The following SNTG1 variants were observed in gnomAD, a reference collection of about 807,000 sequenced individuals.
SNTG1 encodes the protein gamma-1-syntrophin.
Under a neutral mutation model 74.7 loss-of-function variants are expected in SNTG1, and 39 were observed. That is an observed-to-expected ratio of 0.52 (90% confidence interval 0.40 to 0.68). The LOEUF is 0.68. Among genes scored for constraint, SNTG1 ranks in the 30% least tolerant of loss-of-function variants. The probability of loss-of-function intolerance (pLI) is 0.00; values close to 1 mark genes in which losing one functional copy is unlikely to be tolerated. For missense variants in SNTG1, 685 were observed against 609.5 expected, an observed-to-expected ratio of 1.12 and a Z score of -1.30; for synonymous variants, 254 against 217.1, an observed-to-expected ratio of 1.17 and a Z score of -1.49.
chr8:50,579,266 G>T (rs1417421643), intron 12 of SNTG1, among the ~76,000 whole-genome samples: 1 of 152,174 alleles, frequency 6.6e-6, no homozygotes, highest in Non-Finnish European at 1.5e-5. Flanking sequence ...GTGGAACTTT[G>T]AACTTGAGAG....
intron 18 of SNTG1, among the ~76,000 whole-genome samples, chr8:50,755,107 C>T (rs2095577052): frequency 6.6e-6 from 1 of 151,764 alleles, no homozygotes; most frequent in Admixed American, 6.6e-5. Context: ...TACAGTGACA[C>T]ATCATTACCA....
chr8:50,442,536 C>T (rs989649028), intron 5 of SNTG1, among the ~76,000 whole-genome samples: 1 of 152,092 alleles, frequency 6.6e-6, no homozygotes. Flanking sequence ...GAGGCATCCT[C>T]ACTCCTGCTG....
intron 18 of SNTG1, among the ~76,000 whole-genome samples, chr8:50,787,576 C>CA (rs1449134602): frequency 2.0e-5 from 3 of 151,810 alleles, no homozygotes; most frequent in South Asian, 4.1e-4. Context: ...GCATTATTCA[C>CA]AAAAAATCAA....
At chr8:50,565,622 CT>C (rs1563583811) in intron 12 of SNTG1, among the ~76,000 whole-genome samples, 4 of 151,942 alleles carry the variant, frequency 2.6e-5, no homozygotes, top group African/African-American at 7.2e-5. Flanking sequence ...TTTGTGAGAG[CT>C]TACTGTGTCA....
chr8:49,966,837 T>C (rs1020952538), intron 1 of SNTG1, among the ~76,000 whole-genome samples: 1 of 152,248 alleles, frequency 6.6e-6, no homozygotes, highest in Non-Finnish European at 1.5e-5. Flanking sequence ...TATATAGGCA[T>C]ATTTTTATGT....
At chr8:50,241,799 T>C (rs1053252166) in intron 2 of SNTG1, among the ~76,000 whole-genome samples, 45 of 152,294 alleles carry the variant, frequency 3.0e-4, no homozygotes, top group Admixed American at 2.3e-3. Context: ...TTTACAATTA[T>C]GCAGTAATTC....
chr8:49,964,084 T>G (rs1289132465), intron 1 of SNTG1, among the ~76,000 whole-genome samples: 2 of 152,200 alleles, frequency 1.3e-5, no homozygotes, highest in East Asian at 3.8e-4. Flanking sequence ...ATGTGTCAAC[T>G]TGTCTAGGCC....
At chr8:49,919,061 T>TGTTCTCACTGTCTTTCTCC (rs1441839217) in intron 1 of SNTG1, among the ~76,000 whole-genome samples, 2 of 152,126 alleles carry the variant, frequency 1.3e-5, no homozygotes, top group Non-Finnish European at 2.9e-5. Flanking sequence ...CCTCTTTCTC[T>TGTTCTCACTGTCTTTCTCC]GTTCTCACTG....
At chr8:50,379,191 T>G (rs2092439709) in intron 2 of SNTG1, among the ~76,000 whole-genome samples, 1 of 152,188 alleles carries the variant, frequency 6.6e-6, no homozygotes, top group African/African-American at 2.4e-5. Flanking sequence ...AGCATTGCCT[T>G]GAGCATGTGA....
intron 13 of SNTG1, among the ~76,000 whole-genome samples, chr8:50,596,128 G>A (rs2094725655): frequency 6.6e-6 from 1 of 151,804 alleles, no homozygotes; most frequent in Non-Finnish European, 1.5e-5. Flanking sequence ...CTATGGTCAG[G>A]CTTTTAATTT....
At chr8:50,488,970 C>T (rs2131866299) in intron 8 of SNTG1, among the ~76,000 whole-genome samples, 1 of 152,110 alleles carries the variant, frequency 6.6e-6, no homozygotes, top group East Asian at 1.9e-4. Flanking sequence ...ATATTCCCCT[C>T]CCTGTGTCCC....
chr8:49,945,394 A>T (rs772605447), intron 1 of SNTG1, among the ~76,000 whole-genome samples: 27 of 152,192 alleles, frequency 1.8e-4, no homozygotes, highest in Non-Finnish European at 3.4e-4. Flanking sequence ...TTTTAAAGGT[A>T]GTGTGGTCCA....
intron 15 of SNTG1, among the ~76,000 whole-genome samples, chr8:50,701,709 C>A (rs1484016169): frequency 8.2e-6 from 1 of 122,134 alleles, no homozygotes; most frequent in Non-Finnish European, 1.7e-5. Context: ...TCTTCCTCTT[C>A]ATCTTCCTCT....
At chr8:50,665,284 G>A (rs535335739) in intron 15 of SNTG1, among the ~76,000 whole-genome samples, 1 of 152,010 alleles carries the variant, frequency 6.6e-6, no homozygotes, top group Non-Finnish European at 1.5e-5. Context: ...TGAAATAGGA[G>A]CCTTATTTCT....
At chr8:50,586,847 T>TA (rs199828036) in intron 12 of SNTG1, among the ~76,000 whole-genome samples, 22 of 150,538 alleles carry the variant, frequency 1.5e-4, no homozygotes, top group African/African-American at 4.4e-4. Context: ...AGAGCTTCGT[T>TA]AAAAAAAAAG....
chr8:50,090,343 GA>G (rs2079675994), intron 1 of SNTG1, among the ~76,000 whole-genome samples: 1 of 152,166 alleles, frequency 6.6e-6, no homozygotes, highest in Non-Finnish European at 1.5e-5. Flanking sequence ...GGGGGACTCA[GA>G]AGACATCCCT....
At chr8:50,702,315 A>AT (rs1252465434) in intron 15 of SNTG1, among the ~76,000 whole-genome samples, 23 of 152,148 alleles carry the variant, frequency 1.5e-4, no homozygotes, top group Non-Finnish European at 2.9e-4. Flanking sequence ...TTATGTTTTC[A>AT]TTTTTTTCTC....
intron 12 of SNTG1, among the ~76,000 whole-genome samples, chr8:50,573,179 A>T (rs1201081437): frequency 2.0e-5 from 3 of 152,124 alleles, no homozygotes; most frequent in Non-Finnish European, 4.4e-5. Flanking sequence ...TTTGAATTTG[A>T]TTGAATTTCC....
intron 15 of SNTG1, among the ~76,000 whole-genome samples, chr8:50,701,954 G>C (rs1300727472): frequency 6.6e-6 from 1 of 151,708 alleles, no homozygotes; most frequent in Non-Finnish European, 1.5e-5. Context: ...AGGTTCAAGT[G>C]ATTCTCCTGC....
Sources: allele counts gnomAD v4.1 joint callset (sites outside exome capture counted in the v4.1 genomes callset), GRCh38; gene constraint gnomAD v4.1.1; transcripts MANE v1.5; gene names NCBI Gene and HGNC (gene_info 2026-07-23, HGNC 2026-07-21).